R3HDM1: variants seen among roughly 807,000 people sequenced by gnomAD.
The protein encoded by R3HDM1 is R3H domain containing 1.
A neutral mutation model predicts 141.1 loss-of-function variants in R3HDM1; 46 were observed. The ratio of observed to expected loss-of-function variants is 0.33; its 90% CI spans 0.26 to 0.42. R3HDM1 has a LOEUF of 0.42. Ranked by LOEUF, R3HDM1 falls within the 10% of genes least tolerant of loss-of-function variation. R3HDM1 has a pLI of 1.00. For synonymous variants in R3HDM1, 435 were observed against 472.9 expected (o/e 0.92, Z 1.04); for missense variants, 1,184 against 1,368.3 (o/e 0.87, Z 2.12).
intron 1 of R3HDM1, among the ~76,000 whole-genome samples, chr2:135,585,978 T>C (rs370390855): frequency 1.3e-5 from 2 of 152,240 alleles, no homozygotes; most frequent in African/African-American, 4.8e-5. Flanking sequence ...TAAGGCTTTT[T>C]GTTAGTAATA....
At chr2:135,603,720 G>T (rs1459118884) in intron 2 of R3HDM1, among the ~76,000 whole-genome samples, 1 of 152,180 alleles carries the variant, frequency 6.6e-6, no homozygotes, top group Non-Finnish European at 1.5e-5. Flanking sequence ...CAATTCTTGT[G>T]CCTCAGCCTC....
intron 18 of R3HDM1, among the ~76,000 whole-genome samples, chr2:135,659,186 C>T (rs1018871397): frequency 1.3e-5 from 2 of 152,026 alleles, no homozygotes; most frequent in Non-Finnish European, 2.9e-5. Flanking sequence ...AAGCCTCGAC[C>T]TCCCAGATTC....
chr2:135,670,643 A>C (rs1178732194), intron 19 of R3HDM1, among the ~76,000 whole-genome samples: 1 of 152,212 alleles, frequency 6.6e-6, no homozygotes, highest in East Asian at 1.9e-4. Context: ...GGGAGTATCT[A>C]TAAGTGATTA....
At chr2:135,559,750 ACTGT>A (rs1430508732) in intron 1 of R3HDM1, among the ~76,000 whole-genome samples, 2 of 152,202 alleles carry the variant, frequency 1.3e-5, no homozygotes, top group African/African-American at 2.4e-5. Flanking sequence ...GATTGAAGGA[ACTGT>A]CTATCTCCAT....
At position 135,645,535 on chromosome 2, in the gene R3HDM1, T is replaced by C. The variant is rs748689549; in HGVS notation, c.1623+8T>C. On this transcript the variant is annotated splice_region_variant and intron_variant, in intron 16 of 26. Transcript: ENST00000683871. ...AATCACATTTTCTCACAGGTGCACATATCCATGATTACATAATGCTAAGTT... is the reference window on the plus strand; with the variant it reads ...AATCACATTTTCTCACAGGTGCACACATCCATGATTACATAATGCTAAGTT... 5.0e-6 allele frequency: 8 copies of C among 1,612,538 alleles called. No individual in the cohort carries two copies. The highest frequency in any genetic ancestry group is 1.3e-5 in the African/African-American group (1 of 74,822).
chr2:135,718,348 T>C (rs1435737269), intron 24 of R3HDM1, among the ~76,000 whole-genome samples: 1 of 152,214 alleles, frequency 6.6e-6, no homozygotes, highest in Admixed American at 6.5e-5. Context: ...ATGTTAATTA[T>C]ATCTCAATTT....
intron 19 of R3HDM1, among the ~76,000 whole-genome samples, chr2:135,674,375 T>C (rs923461745): frequency 3.9e-5 from 6 of 152,242 alleles, no homozygotes; most frequent in African/African-American, 1.4e-4. Flanking sequence ...GGTGGTATTC[T>C]AGTTCAGTTC....
intron 7 of R3HDM1, among the ~76,000 whole-genome samples, chr2:135,628,151 C>T (rs2062239471): frequency 1.3e-5 from 2 of 152,138 alleles, no homozygotes; most frequent in South Asian, 2.1e-4. Flanking sequence ...GTTTGAGTCT[C>T]ATATGTAGGG....
intron 3 of R3HDM1, among the ~76,000 whole-genome samples, chr2:135,613,243 T>G (rs949799473): frequency 2.6e-5 from 4 of 152,170 alleles, no homozygotes; most frequent in African/African-American, 9.7e-5. Flanking sequence ...AAACCTTAGT[T>G]TGTTGAAGCT....
At chr2:135,590,820 G>A (rs959041553) in intron 1 of R3HDM1, 2 of 749,768 alleles carry the variant, frequency 2.7e-6, no homozygotes, top group Non-Finnish European at 3.3e-6. Context: ...GACAGCACCT[G>A]TTCTGCCTCA....
intron 3 of R3HDM1, among the ~76,000 whole-genome samples, chr2:135,614,810 T>C (rs1652658498): frequency 6.6e-6 from 1 of 150,754 alleles, no homozygotes. Context: ...GTTGCTTTTC[T>C]CTCTCTTTTT....
chr2:135,647,483 T>A (rs2064599742), intron 16 of R3HDM1, among the ~76,000 whole-genome samples: 1 of 152,242 alleles, frequency 6.6e-6, no homozygotes, highest in Non-Finnish European at 1.5e-5. Context: ...TTGTCTGATT[T>A]AGTGATAAGA....
At chr2:135,656,710 A>C (rs2065939840) in intron 18 of R3HDM1, 3 of 152,220 alleles carry the variant, frequency 2.0e-5, no homozygotes, top group African/African-American at 7.2e-5. Context: ...TTCCATTTAC[A>C]TTCTCTCCGT....
intron 18 of R3HDM1, among the ~76,000 whole-genome samples, chr2:135,657,288 G>A (rs927149376): frequency 1.3e-5 from 2 of 151,468 alleles, no homozygotes; most frequent in African/African-American, 4.9e-5. Flanking sequence ...GCGGGCACCT[G>A]TAATCCCAGC....
intron 1 of R3HDM1, among the ~76,000 whole-genome samples, chr2:135,585,399 G>A (rs547655172): frequency 1.9e-4 from 29 of 152,284 alleles, no homozygotes; most frequent in Non-Finnish European, 2.2e-4. Flanking sequence ...GGGATTTCTG[G>A]TTGGTGTACA....
intron 21 of R3HDM1, among the ~76,000 whole-genome samples, chr2:135,684,032 G>A (rs1485169900): frequency 6.6e-6 from 1 of 151,840 alleles, no homozygotes; most frequent in African/African-American, 2.4e-5. Context: ...CTAGCATAGA[G>A]TCAGAGCTTG....
chr2:135,557,919 A>G (rs1014543945), intron 1 of R3HDM1, among the ~76,000 whole-genome samples: 5 of 152,334 alleles, frequency 3.3e-5, no homozygotes, highest in African/African-American at 2.4e-5. Context: ...CCCATGTACA[A>G]AGGAATGACA....
chr2:135,583,775 T>C (rs1707293516), intron 1 of R3HDM1: 14 of 985,320 alleles, frequency 1.4e-5, no homozygotes, highest in Non-Finnish European at 1.6e-5. Flanking sequence ...TTTAAAAAGT[T>C]CCGCAAGAGC....
At chr2:135,533,976 A>G (rs1193940688) in intron 1 of R3HDM1, 9 of 984,662 alleles carry the variant, frequency 9.1e-6, no homozygotes, top group Non-Finnish European at 9.6e-6. Flanking sequence ...TTTCATGCAT[A>G]TTTAGAGAAT....
Sources: allele counts gnomAD v4.1 joint callset (sites outside exome capture counted in the v4.1 genomes callset), GRCh38; gene constraint gnomAD v4.1.1; transcripts MANE v1.5; gene names NCBI Gene and HGNC (gene_info 2026-07-23, HGNC 2026-07-21).